Variants in OXR1 observed in about 807,000 individuals in gnomAD.
OXR1 encodes the protein oxidation resistance protein 1.
A neutral mutation model predicts 104.6 loss-of-function variants in OXR1; 41 were observed. The ratio of observed to expected loss-of-function variants is 0.39; its 90% CI spans 0.31 to 0.51. The LOEUF is 0.51. Among genes scored for constraint, OXR1 ranks in the 20% least tolerant of loss-of-function variants. The probability of loss-of-function intolerance (pLI) is 0.77; values close to 1 mark genes in which losing one functional copy is unlikely to be tolerated. For missense variants in OXR1, 955 were observed against 1,031.9 expected (o/e 0.93, Z 1.02); for synonymous variants, 348 against 348.4 (o/e 1.00, Z 0.01).
At chr8:106,407,446 C>A (rs991327423) in intron 2 of OXR1, among the ~76,000 whole-genome samples, 19 of 152,088 alleles carry the variant, frequency 1.2e-4, no homozygotes, top group African/African-American at 4.3e-4. Context: ...TGAAGGGTGT[C>A]CATTTTAATA....
chr8:106,349,949 T>C (rs1430610960), intron 1 of OXR1, among the ~76,000 whole-genome samples: 4 of 152,162 alleles, frequency 2.6e-5, no homozygotes, highest in Admixed American at 6.5e-5. Context: ...ATGAGAATGT[T>C]AGAGTGAAGC....
At chr8:106,606,557 C>T (rs890912449) in intron 3 of OXR1, among the ~76,000 whole-genome samples, 1 of 151,768 alleles carries the variant, frequency 6.6e-6, no homozygotes, top group Non-Finnish European at 1.5e-5. Flanking sequence ...AATGATCCGC[C>T]CGCTTCAGCC....
chr8:106,506,634 G>T (rs1015382891), intron 2 of OXR1, among the ~76,000 whole-genome samples: 1 of 151,950 alleles, frequency 6.6e-6, no homozygotes, highest in African/African-American at 2.4e-5. Flanking sequence ...GAGTCTTCAG[G>T]ATATAAATGT....
chr8:106,406,536 G>A (rs560678483), intron 2 of OXR1, among the ~76,000 whole-genome samples: 5 of 152,076 alleles, frequency 3.3e-5, no homozygotes, highest in Non-Finnish European at 7.4e-5. Context: ...GAGCTATCAA[G>A]CCATGAACAG....
At chr8:106,395,957 A>T (rs1230035302) in intron 2 of OXR1, among the ~76,000 whole-genome samples, 1 of 152,126 alleles carries the variant, frequency 6.6e-6, no homozygotes, top group Non-Finnish European at 1.5e-5. Flanking sequence ...ACAGGGGCCA[A>T]CCTAAATGAG....
chr8:106,649,102 G>A (rs531423352), intron 3 of OXR1, among the ~76,000 whole-genome samples: 10 of 152,204 alleles, frequency 6.6e-5, no homozygotes, highest in Admixed American at 6.5e-4. Context: ...CTACTTAGGA[G>A]GCTGAGGCAG....
intron 2 of OXR1, among the ~76,000 whole-genome samples, chr8:106,489,569 A>G (rs922669232): frequency 2.0e-5 from 3 of 152,144 alleles, no homozygotes; most frequent in Non-Finnish European, 4.4e-5. Flanking sequence ...TGATTTTGCC[A>G]TTTTGAGGAC....
At chr8:106,586,884 A>C (rs1818670526) in intron 3 of OXR1, among the ~76,000 whole-genome samples, 1 of 152,186 alleles carries the variant, frequency 6.6e-6, no homozygotes, top group Non-Finnish European at 1.5e-5. Context: ...AGTTCAGTGC[A>C]GTGGTGGGTC....
chr8:106,328,513 A>G (rs939848566), intron 1 of OXR1, among the ~76,000 whole-genome samples: 2 of 152,222 alleles, frequency 1.3e-5, no homozygotes, highest in African/African-American at 4.8e-5. Context: ...TTAAAAATAA[A>G]TTTAATAAGC....
intron 9 of OXR1, 84 bp downstream of exon 9, chr8:106,707,229 C>T (rs768852937): frequency 4.1e-6 from 5 of 1,215,292 alleles, no homozygotes; most frequent in Non-Finnish European, 6.0e-6. Context: ...AGCCGCTGTA[C>T]CTTAGGGCAA....
chr8:106,392,079 A>G (rs1165020584), intron 2 of OXR1, among the ~76,000 whole-genome samples: 1 of 152,230 alleles, frequency 6.6e-6, no homozygotes, highest in Non-Finnish European at 1.5e-5. Context: ...ACCTATGTGC[A>G]TCTGTGGTCA....
chr8:106,422,596 T>C (rs189527089), intron 2 of OXR1, among the ~76,000 whole-genome samples: 71 of 152,284 alleles, frequency 4.7e-4, no homozygotes, highest in Middle Eastern at 6.8e-3. Context: ...CATTTGTTTT[T>C]CACTTGTATC....
At chr8:106,590,318 C>T (rs1818978860) in intron 3 of OXR1, among the ~76,000 whole-genome samples, 1 of 152,234 alleles carries the variant, frequency 6.6e-6, no homozygotes, top group African/African-American at 2.4e-5. Context: ...GACGGAGTCT[C>T]GCTCTGTCGC....
intron 2 of OXR1, among the ~76,000 whole-genome samples, chr8:106,431,105 C>T (rs1819342029): frequency 6.6e-6 from 1 of 152,084 alleles, no homozygotes; most frequent in Non-Finnish European, 1.5e-5. Flanking sequence ...ATCCTGAGGC[C>T]ACCGTCCTGT....
intron 3 of OXR1, among the ~76,000 whole-genome samples, chr8:106,647,856 T>C (rs1013193864): frequency 6.6e-6 from 1 of 152,224 alleles, no homozygotes; most frequent in Non-Finnish European, 1.5e-5. Context: ...GAGAAGATTA[T>C]TTTTTCATTT....
chr8:106,485,749 A>G (rs1810608479), intron 2 of OXR1, among the ~76,000 whole-genome samples: 1 of 152,112 alleles, frequency 6.6e-6, no homozygotes. Flanking sequence ...AATGAGGTAT[A>G]TATACATGAT....
chr8:106,459,248 G>T (rs1339845697), intron 2 of OXR1, among the ~76,000 whole-genome samples: 1 of 152,014 alleles, frequency 6.6e-6, no homozygotes, highest in African/African-American at 2.4e-5. Context: ...TGTTATTGGG[G>T]AGTGGGCTAG....
chr8:106,572,949 A>G (rs921137199), intron 3 of OXR1, among the ~76,000 whole-genome samples: 1 of 152,102 alleles, frequency 6.6e-6, no homozygotes, highest in Non-Finnish European at 1.5e-5. Context: ...GACCCAGGAG[A>G]GCTGATGTGT....
At chr8:106,544,407 T>A (rs547803216) in intron 3 of OXR1, among the ~76,000 whole-genome samples, 4 of 152,194 alleles carry the variant, frequency 2.6e-5, no homozygotes, top group Non-Finnish European at 4.4e-5. Flanking sequence ...AGAAACCTAT[T>A]TCAGTGTTTT....
Sources: gnomAD v4.1 joint callset for allele counts (sites outside exome capture counted in the v4.1 genomes callset) on GRCh38, gnomAD v4.1.1 for gene constraint, MANE v1.5 for transcripts, NCBI Gene and HGNC (gene_info 2026-07-23, HGNC 2026-07-21) for gene names.